Variants in ZNF536 observed in about 807,000 individuals in gnomAD.
ZNF536 encodes the protein zinc finger protein 536.
A neutral mutation model predicts 84.5 loss-of-function variants in ZNF536; 13 were observed. The ratio of observed to expected loss-of-function variants is 0.15; its 90% CI spans 0.10 to 0.24. The LOEUF is 0.24. ZNF536 is among the 10% of genes least tolerant of loss of function. ZNF536 has a pLI of 1.00. For synonymous variants in ZNF536, 811 were observed against 742.5 expected (o/e 1.09, Z -1.50); for missense variants, 1,536 against 1,747.5 (o/e 0.88, Z 2.16).
intron 1 of ZNF536, among the ~76,000 whole-genome samples, chr19:30,241,784 G>A (rs1409799220): frequency 3.9e-5 from 6 of 152,194 alleles, no homozygotes; most frequent in African/African-American, 1.4e-4. Context: ...AGAGAGACAC[G>A]GAAGTATATG....
rs565107957 is a variant in ZNF536 at position 30,464,324 on chromosome 19, TG to T, written c.2170+18597del. Among the ~76,000 whole-genome samples, 69 of 152,248 alleles carry T rather than the reference TG, an allele frequency of 4.5e-4. 1 individual carries two copies. The highest frequency in any genetic ancestry group is 1.6e-3 in the African/African-American group (66 of 41,524). On this transcript the variant is annotated intron_variant, in intron 2 of 4. Transcript: ENST00000355537. ...GGCACCCACACATTCTGCAGCCAGC[TG>T]GGGGTGTCGACCAGAGCCTGGGGAC...
chr19:30,402,600 T>C (rs1950502789), intron 1 of ZNF536, among the ~76,000 whole-genome samples: 1 of 151,788 alleles, frequency 6.6e-6, no homozygotes, highest in Non-Finnish European at 1.5e-5. Context: ...TTTGCCTTTT[T>C]TCACCGGGAA....
rs1599578350 is a variant in ZNF536 at position 30,494,401 on chromosome 19, C to A, written c.2171-40446C>A. On this transcript the variant is annotated intron_variant, in intron 2 of 4. Transcript: ENST00000355537. ...CGACTTCACTCCGCCATTCCTTTTACAACTTGCATTTTGAAGGCACCTGGT... is the reference window on the plus strand; with the variant it reads ...CGACTTCACTCCGCCATTCCTTTTAAAACTTGCATTTTGAAGGCACCTGGT... Among the ~76,000 whole-genome samples the A allele has an allele frequency of 4.6e-5, 7 of 152,342 alleles. No homozygotes were observed. In the South Asian group the frequency reaches 1.4e-3, roughly 32 times the overall value.
intron 2 of ZNF536, among the ~76,000 whole-genome samples, chr19:30,532,968 G>A (rs1410656643): frequency 6.6e-6 from 1 of 152,198 alleles, no homozygotes; most frequent in African/African-American, 2.4e-5. Context: ...GCTTGGTGGA[G>A]TGACTTTGAG....
intron 1 of ZNF536, among the ~76,000 whole-genome samples, chr19:30,635,096 G>A (rs751421519): frequency 1.4e-4 from 22 of 151,980 alleles, no homozygotes; most frequent in African/African-American, 4.1e-4. Flanking sequence ...GTGTGTATGC[G>A]CGTGCCCCAC....
intron 2 of ZNF536, among the ~76,000 whole-genome samples, chr19:30,532,107 G>A (rs546218715): frequency 4.4e-4 from 67 of 151,718 alleles, no homozygotes; most frequent in African/African-American, 1.5e-3. Context: ...AGGAGGCCCC[G>A]CAGGAATTAC....
rs1054197008 is a variant in ZNF536, at chr19:30,445,910, G to A, written c.2170+178G>A. Among the ~76,000 whole-genome samples the A allele has an allele frequency of 7.9e-5, 12 of 152,082 alleles. No homozygotes were observed. The highest frequency in any genetic ancestry group is 2.2e-4 in the African/African-American group (9 of 41,418). ...CCCCCCTGACTGGAGGGAAAGGGCC[G>A]TCCTTTCACCTCTTAGGCCTTCCCT... On this transcript the variant is annotated intron_variant, in intron 2 of 4. Coordinates refer to ENST00000355537, the MANE Select transcript of ZNF536 (RefSeq NM_014717.3). The surrounding 1 kb of genome is among the most constrained non-coding windows in gnomAD (Gnocchi z 4.5).
chr19:30,419,879 C>G (rs10421254), intron 1 of ZNF536, among the ~76,000 whole-genome samples: 81,198 of 152,060 alleles, frequency 0.53, 22,416 homozygotes, highest in Non-Finnish European at 0.58. Flanking sequence ...CCATCAGCAA[C>G]CCGGGAAGCT....
At chr19:30,238,983 G>C (rs548216071) in intron 1 of ZNF536, among the ~76,000 whole-genome samples, 2 of 152,174 alleles carry the variant, frequency 1.3e-5, no homozygotes, top group Non-Finnish European at 1.5e-5. Context: ...CTGCATTCAA[G>C]AAGAGTCACC....
intron 2 of ZNF536, among the ~76,000 whole-genome samples, chr19:30,529,909 C>G (rs1023515006): frequency 6.6e-6 from 1 of 152,184 alleles, no homozygotes; most frequent in South Asian, 2.1e-4. Flanking sequence ...AAGAAATAAT[C>G]CCATATTATT....
intron 1 of ZNF536, among the ~76,000 whole-genome samples, chr19:30,274,152 G>A (rs993012452): frequency 1.3e-5 from 2 of 152,170 alleles, no homozygotes; most frequent in Non-Finnish European, 1.5e-5. Flanking sequence ...CTTTCATTTC[G>A]ACTTCAGAGA....
intron 2 of ZNF536, among the ~76,000 whole-genome samples, chr19:30,490,521 G>C (rs2054466692): frequency 1.3e-5 from 2 of 152,032 alleles, no homozygotes; most frequent in Admixed American, 1.3e-4. Context: ...GAGTTTTTAG[G>C]GTCACTGTAG....
intron 2 of ZNF536, among the ~76,000 whole-genome samples, chr19:30,447,319 C>A (rs942970560): frequency 6.6e-6 from 1 of 152,164 alleles, no homozygotes; most frequent in Non-Finnish European, 1.5e-5. Flanking sequence ...CTTAAGCATA[C>A]TCTTCTTCTA....
At chr19:30,615,466 T>A (rs2048258823) in intron 1 of ZNF536, among the ~76,000 whole-genome samples, 1 of 152,208 alleles carries the variant, frequency 6.6e-6, no homozygotes. Context: ...CAGTATGCTC[T>A]ATTTTACTCA....
At chr19:30,664,203 TTTC>T (rs1439157707) in intron 1 of ZNF536, among the ~76,000 whole-genome samples, 9 of 88,700 alleles carry the variant, frequency 1.0e-4, no homozygotes, top group Non-Finnish European at 1.4e-4. Flanking sequence ...CTTGCTGAGT[TTTC>T]TCTCTCTCTC....
At chr19:30,350,244 T>C (rs979027880) in intron 2 of ZNF536, among the ~76,000 whole-genome samples, 2 of 152,244 alleles carry the variant, frequency 1.3e-5, no homozygotes, top group African/African-American at 4.8e-5. Context: ...TTTCGGCGTT[T>C]AAGCCTGCAT....
At chr19:30,479,715 G>A (rs976339406) in intron 2 of ZNF536, among the ~76,000 whole-genome samples, 1 of 152,204 alleles carries the variant, frequency 6.6e-6, no homozygotes, top group African/African-American at 2.4e-5. Flanking sequence ...CCACGAGGCA[G>A]CCTCGGGACA....
chr19:30,565,167 C>CT (rs75043710), intron 1 of ZNF536, among the ~76,000 whole-genome samples: 38,148 of 142,412 alleles, frequency 0.27, 5,229 homozygotes, highest in East Asian at 0.42. Flanking sequence ...GACCCCTTTC[C>CT]TTTTTTTTTT....
intron 2 of ZNF536, among the ~76,000 whole-genome samples, chr19:30,529,076 T>C (rs1474637820): frequency 6.6e-6 from 1 of 151,996 alleles, no homozygotes; most frequent in Non-Finnish European, 1.5e-5. Flanking sequence ...AGTTGGATAT[T>C]AGGGACCCGG....
Sources: gnomAD v4.1 joint callset for allele counts (sites outside exome capture counted in the v4.1 genomes callset) on GRCh38, gnomAD v4.1.1 for gene constraint, Gnocchi (gnomAD v3.1) non-coding constraint, MANE v1.5 for transcripts, NCBI Gene and HGNC (gene_info 2026-07-23, HGNC 2026-07-21) for gene names.